The following ZBTB7C variants were observed in gnomAD, a reference collection of about 807,000 sequenced individuals.
ZBTB7C encodes the protein zinc finger and BTB domain containing 7C.
Under a neutral mutation model 25.7 loss-of-function variants are expected in ZBTB7C, and 8 were observed. The ratio of observed to expected loss-of-function variants is 0.31; its 90% CI spans 0.18 to 0.56. The LOEUF is 0.56. ZBTB7C is among the 20% of genes least tolerant of loss of function. The pLI, the probability that ZBTB7C is intolerant of heterozygous loss-of-function variation, is 0.91. For synonymous variants in ZBTB7C, 394 were observed against 369.0 expected, an observed-to-expected ratio of 1.07 and a Z score of -0.78; for missense variants, 824 against 855.2, an observed-to-expected ratio of 0.96 and a Z score of 0.46.
intron 2 of ZBTB7C, among the ~76,000 whole-genome samples, chr18:48,284,122 G>A (rs1444439796): frequency 1.3e-5 from 2 of 151,592 alleles, no homozygotes; most frequent in African/African-American, 4.9e-5. Context: ...ACTTCAGCCT[G>A]GGCAACAAAG....
At chr18:48,357,301 G>C (rs532424612) in intron 1 of ZBTB7C, among the ~76,000 whole-genome samples, 2 of 152,284 alleles carry the variant, frequency 1.3e-5, no homozygotes, top group African/African-American at 2.4e-5. Context: ...GGGGAGGGAG[G>C]AATGCCACAA....
intron 3 of ZBTB7C, among the ~76,000 whole-genome samples, chr18:48,175,758 T>A (rs1015551995): frequency 6.6e-6 from 1 of 152,116 alleles, no homozygotes; most frequent in Non-Finnish European, 1.5e-5. Flanking sequence ...AGTAAGAACA[T>A]ACTCAAAATA....
chr18:48,204,955 G>A (rs1378517837), intron 2 of ZBTB7C, among the ~76,000 whole-genome samples: 1 of 152,166 alleles, frequency 6.6e-6, no homozygotes, highest in Non-Finnish European at 1.5e-5. Flanking sequence ...CATTTTAATG[G>A]TGGCAAGGTA....
intron 3 of ZBTB7C, chr18:48,180,312 T>A (rs772281255): frequency 1.1e-5 from 5 of 456,500 alleles, no homozygotes; most frequent in Admixed American, 4.7e-5. Context: ...TTGATAAATG[T>A]TGATTTCCCC....
chr18:48,196,806 T>C (rs2042328153), intron 2 of ZBTB7C, among the ~76,000 whole-genome samples: 1 of 152,232 alleles, frequency 6.6e-6, no homozygotes, highest in Admixed American at 6.5e-5. Context: ...AGTACAGTGT[T>C]AGCAGGCACC....
rs1249981432 is a variant in ZBTB7C, at chr18:48,040,328, C to A, written c.780G>T (p.Trp260Cys). Residue 260 changes from tryptophan to cysteine, a missense_variant, in exon 4 of 5, where the codon TGG (tryptophan) becomes TGT (cysteine). Trp to Cys is a radical substitution (Grantham distance 215). This residue lies in a region of ZBTB7C where 316 missense variants were observed against 299.2 expected (regional missense o/e 1.06). Coordinates refer to ENST00000590800, the MANE Select transcript of ZBTB7C (RefSeq NM_001318841.2). ...GGGCAAAGGCACCGAAGTCCCCTGG[C>A]CAGAGGTGTGGAAAGAAGTCCGGGG... ...PFAPDFFPHL[W>C]PGDFGAFAQL... 5 of 1,598,524 alleles carry A rather than the reference C, an allele frequency of 3.1e-6. No individual in the cohort carries two copies. In the East Asian group the frequency reaches 1.1e-4, roughly 36 times the overall value.
At chr18:48,402,436 A>G (rs1424367132) in intron 1 of ZBTB7C, among the ~76,000 whole-genome samples, 1 of 152,186 alleles carries the variant, frequency 6.6e-6, no homozygotes, top group East Asian at 1.9e-4. Flanking sequence ...AACTTGCAAC[A>G]TCATATACAC....
intron 2 of ZBTB7C, among the ~76,000 whole-genome samples, chr18:48,297,254 A>G (rs2045421491): frequency 6.6e-6 from 1 of 152,224 alleles, no homozygotes; most frequent in African/African-American, 2.4e-5. Flanking sequence ...ATATTTCAAA[A>G]GTATTGACAT....
chr18:48,191,962 G>C (rs2042208904), intron 2 of ZBTB7C, among the ~76,000 whole-genome samples: 1 of 152,190 alleles, frequency 6.6e-6, no homozygotes, highest in Non-Finnish European at 1.5e-5. Context: ...CAAACGATCT[G>C]AAAACTTATA....
At chr18:48,107,014 G>A (rs1183220418) in intron 3 of ZBTB7C, among the ~76,000 whole-genome samples, 1 of 151,990 alleles carries the variant, frequency 6.6e-6, no homozygotes, top group Non-Finnish European at 1.5e-5. Flanking sequence ...GCTGAACCAG[G>A]AAACGAGTGG....
At chr18:48,222,313 C>T (rs1599133359) in intron 2 of ZBTB7C, among the ~76,000 whole-genome samples, 1 of 152,222 alleles carries the variant, frequency 6.6e-6, no homozygotes, top group South Asian at 2.1e-4. Flanking sequence ...GTGCTCCCTG[C>T]TCTCCACCAG....
At position 48,040,137 on chromosome 18, in the gene ZBTB7C, G is replaced by A. The variant is rs1391032194; in HGVS notation, c.971C>T (p.Pro324Leu). 1.3e-6 allele frequency: 2 copies of A among 1,584,528 alleles called. No individual in the cohort carries two copies. Among genetic ancestry groups the A allele is most frequent in the Non-Finnish European group, 8.6e-7 (1 of 1,165,328 alleles). The change falls in exon 4 of 5, where the codon CCC becomes CTC. Residue 324 changes from proline (P) to leucine (L), a missense_variant. Transcript: ENST00000590800. ...ACCGTAGTCGTTCTCCGCCTTGATG[G>A]GTCCCAGAGGCCCCCCCGGCAGGTC... is the stretch of plus-strand genomic sequence containing the variant. ...FPDLPGGPLG[P>L]IKAENDYGAY... is the part of the protein sequence containing the mutation.
At chr18:48,116,576 C>T (rs956134874) in intron 3 of ZBTB7C, among the ~76,000 whole-genome samples, 3 of 152,096 alleles carry the variant, frequency 2.0e-5, no homozygotes, top group Non-Finnish European at 4.4e-5. Flanking sequence ...CGCCAGTTGC[C>T]GGCTTTCCTA....
At chr18:48,206,578 T>G (rs1454018487) in intron 2 of ZBTB7C, among the ~76,000 whole-genome samples, 2 of 152,280 alleles carry the variant, frequency 1.3e-5, no homozygotes, top group East Asian at 3.9e-4. Context: ...GAGGATCGCT[T>G]CAGTCCAGGA....
intron 2 of ZBTB7C, among the ~76,000 whole-genome samples, chr18:48,331,648 T>A (rs1176563360): frequency 6.6e-6 from 1 of 152,226 alleles, no homozygotes; most frequent in Non-Finnish European, 1.5e-5. Flanking sequence ...AGTGCAGCCT[T>A]CTCCAAACTT....
intron 1 of ZBTB7C, among the ~76,000 whole-genome samples, chr18:48,344,690 A>T (rs2144995856): frequency 6.6e-6 from 1 of 152,372 alleles, no homozygotes; most frequent in Non-Finnish European, 1.5e-5. Flanking sequence ...AATAATGCTT[A>T]TTGAGATAAT....
At chr18:48,147,647 ACT>A (rs1246947840) in intron 3 of ZBTB7C, 6 of 149,050 alleles carry the variant, frequency 4.0e-5, no homozygotes, top group African/African-American at 1.5e-4. Context: ...AAGGAGTCTC[ACT>A]CTGTCGCCCA....
chr18:48,096,519 G>A (rs1005182246), intron 3 of ZBTB7C, among the ~76,000 whole-genome samples: 9 of 152,146 alleles, frequency 5.9e-5, no homozygotes, highest in Non-Finnish European at 8.8e-5. Flanking sequence ...ATGTGACAAC[G>A]TTTGACAGGG....
Position 48,241,554 on chromosome 18 carries a change from C to A in ZBTB7C, c.-78-55559G>T, listed in dbSNP as rs986823331. Among the ~76,000 whole-genome samples, 4 of 152,144 alleles carry A rather than the reference C, an allele frequency of 2.6e-5. No individual in the cohort carries two copies. The East Asian group carries it at 7.7e-4, about 29-fold the overall frequency. Reference sequence around the variant, plus strand: ...ATTGGCAATCAACTCCAAAAGGAACCCTCAAAACTATACAAAGACATGGAA... The same window carrying A: ...ATTGGCAATCAACTCCAAAAGGAACACTCAAAACTATACAAAGACATGGAA... On this transcript the variant is annotated intron_variant, in intron 2 of 4. Coordinates refer to ENST00000590800, the MANE Select transcript of ZBTB7C (RefSeq NM_001318841.2).
Sources: gnomAD v4.1 joint callset for allele counts (sites outside exome capture counted in the v4.1 genomes callset) on GRCh38, gnomAD v4.1.1 for gene constraint, gnomAD v4.1.1 regional missense constraint, MANE v1.5 for transcripts, NCBI Gene and HGNC (gene_info 2026-07-23, HGNC 2026-07-21) for gene names.